Variants in CPNE4 observed in about 807,000 individuals in gnomAD.
The protein encoded by CPNE4 is copine 4.
Under a neutral mutation model 67.9 loss-of-function variants are expected in CPNE4, and 25 were observed. The observed-to-expected ratio is 0.37, with a 90% CI of 0.27 to 0.51. CPNE4 has a LOEUF of 0.51. Among genes scored for constraint, CPNE4 ranks in the 20% least tolerant of loss-of-function variants. The pLI, the probability that CPNE4 is intolerant of heterozygous loss-of-function variation, is 0.93. For missense variants in CPNE4, 464 were observed against 690.8 expected, an observed-to-expected ratio of 0.67 and a Z score of 3.68; for synonymous variants, 242 against 244.9, an observed-to-expected ratio of 0.99 and a Z score of 0.11.
At chr3:131,605,855 A>G (rs1314609781) in intron 7 of CPNE4, among the ~76,000 whole-genome samples, 1 of 152,202 alleles carries the variant, frequency 6.6e-6, no homozygotes, top group Non-Finnish European at 1.5e-5. Flanking sequence ...ATTCACCTAC[A>G]TGTGAATCAC....
chr3:131,805,134 C>A (rs752163469), intron 2 of CPNE4, among the ~76,000 whole-genome samples: 2 of 152,150 alleles, frequency 1.3e-5, no homozygotes, highest in Admixed American at 6.5e-5. Flanking sequence ...CATTCCCATC[C>A]AATCAGCCCA....
chr3:131,673,609 T>C (rs1043608655), intron 6 of CPNE4, among the ~76,000 whole-genome samples: 6 of 152,056 alleles, frequency 3.9e-5, no homozygotes, highest in Non-Finnish European at 7.4e-5. Flanking sequence ...ATTTTCATGA[T>C]TTCTTTTTCA....
At chr3:131,685,167 C>G (rs749014391) in intron 6 of CPNE4, among the ~76,000 whole-genome samples, 1 of 146,374 alleles carries the variant, frequency 6.8e-6, no homozygotes, top group Non-Finnish European at 1.5e-5. Context: ...GTTTCTTCAA[C>G]TGTAAAATGG....
At chr3:132,013,444 C>T (rs755984999) in intron 1 of CPNE4, among the ~76,000 whole-genome samples, 7 of 152,108 alleles carry the variant, frequency 4.6e-5, no homozygotes, top group Non-Finnish European at 1.0e-4. Context: ...TCTGCTCATC[C>T]GTAACCAATA....
intron 1 of CPNE4, among the ~76,000 whole-genome samples, chr3:131,967,929 G>A (rs1035598996): frequency 3.9e-5 from 6 of 152,042 alleles, no homozygotes; most frequent in Non-Finnish European, 7.4e-5. Flanking sequence ...AACAAAGCTG[G>A]AGGCATCATG....
chr3:131,592,832 T>A (rs1938620501), intron 7 of CPNE4, among the ~76,000 whole-genome samples: 1 of 151,678 alleles, frequency 6.6e-6, no homozygotes. Context: ...CTGCTCACTG[T>A]TTCCACACAA....
chr3:131,682,189 G>A (rs1013263624), intron 6 of CPNE4, among the ~76,000 whole-genome samples: 5 of 152,060 alleles, frequency 3.3e-5, no homozygotes, highest in Non-Finnish European at 5.9e-5. Flanking sequence ...CCTGATGCTT[G>A]TAGATATTCA....
At chr3:131,550,909 G>A (rs1228417678) in intron 13 of CPNE4, among the ~76,000 whole-genome samples, 2 of 152,076 alleles carry the variant, frequency 1.3e-5, no homozygotes, top group Admixed American at 6.6e-5. Context: ...GCTTCTCCTA[G>A]TACTTGATAC....
Position 131,535,050 on chromosome 3 carries a change from T to A in CPNE4, c.*145A>T, listed in dbSNP as rs2107618000. On this transcript the variant is annotated 3_prime_UTR_variant, in exon 16 of 16. Transcript: ENST00000429747. ...AGGGCTACACATGCAAAAAAAATTG[T>A]CAGATAGTTAAAAATCACCAAAACG... 3.7e-6 allele frequency: 3 copies of A among 815,126 alleles called. No individual in the cohort carries two copies. The highest frequency in any genetic ancestry group is 2.9e-5 in the East Asian group (1 of 34,390). 50.5% of individuals were successfully genotyped at this position (815,126 alleles called of 1,614,324 possible). A position where few individuals can be genotyped will look rare whatever the true frequency, so the allele number is the denominator to read the frequency against.
chr3:131,649,097 G>A (rs553645757), intron 7 of CPNE4, among the ~76,000 whole-genome samples: 2 of 152,302 alleles, frequency 1.3e-5, no homozygotes, highest in East Asian at 3.9e-4. Context: ...CTGTGCCCAG[G>A]TGAAAAATTT....
At chr3:131,655,613 A>G (rs865911491) in intron 7 of CPNE4, among the ~76,000 whole-genome samples, 7 of 152,250 alleles carry the variant, frequency 4.6e-5, no homozygotes, top group Middle Eastern at 3.4e-3. Flanking sequence ...CATAATGTTG[A>G]AGTAAAGTTA....
Position 131,994,231 on chromosome 3 carries a change from G to C in CPNE4, c.-2+40336C>G. On this transcript the variant is annotated intron_variant, in intron 1 of 15. Coordinates refer to ENST00000429747, the MANE Select transcript of CPNE4 (RefSeq NM_130808.3). ...TGAAGATGTATAACTCAACTTCATG[G>C]ATTGGAAGATTTAATATTGTGTAGA... Among the ~76,000 whole-genome samples, 2 of 136,444 alleles carry C rather than the reference G, an allele frequency of 1.5e-5. 1 individual carries two copies. The highest frequency in any genetic ancestry group is 3.3e-5 in the Non-Finnish European group (2 of 60,110). 89.5% of individuals were successfully genotyped at this position (136,444 alleles called of 152,430 possible). A position where few individuals can be genotyped will look rare whatever the true frequency, so the allele number is the denominator to read the frequency against.
At chr3:131,860,393 A>G (rs1444288134) in intron 2 of CPNE4, among the ~76,000 whole-genome samples, 1 of 152,162 alleles carries the variant, frequency 6.6e-6, no homozygotes, top group East Asian at 1.9e-4. Flanking sequence ...AATTGAGCTC[A>G]TTTTAATTAT....
chr3:131,890,395 T>A (rs2088064877), intron 2 of CPNE4, among the ~76,000 whole-genome samples: 1 of 150,294 alleles, frequency 6.7e-6, no homozygotes, highest in South Asian at 2.1e-4. Context: ...AGATATCACC[T>A]CACTCCTGTA....
At chr3:131,687,678 A>C (rs926485676) in intron 5 of CPNE4, among the ~76,000 whole-genome samples, 2 of 152,220 alleles carry the variant, frequency 1.3e-5, no homozygotes, top group African/African-American at 4.8e-5. Flanking sequence ...CCTAGTCTTC[A>C]GCTCAGCAAA....
At chr3:131,757,607 G>A (rs552851238) in intron 2 of CPNE4, among the ~76,000 whole-genome samples, 61 of 152,312 alleles carry the variant, frequency 4.0e-4, no homozygotes, top group African/African-American at 1.4e-3. Context: ...TTTCTGAGAA[G>A]AAATTCAAGC....
At chr3:131,587,144 T>G (rs771559828) in intron 8 of CPNE4, among the ~76,000 whole-genome samples, 3 of 152,176 alleles carry the variant, frequency 2.0e-5, no homozygotes, top group Non-Finnish European at 4.4e-5. Context: ...TAGGTACAAT[T>G]ATCACTCTTA....
chr3:131,548,716 G>A (rs998029923), intron 14 of CPNE4, among the ~76,000 whole-genome samples: 15 of 152,226 alleles, frequency 9.9e-5, no homozygotes, highest in Non-Finnish European at 2.2e-4. Flanking sequence ...AAGAGAAAAT[G>A]ATAAGAATTA....
intron 1 of CPNE4, among the ~76,000 whole-genome samples, chr3:132,027,860 T>C (rs2074149221): frequency 1.3e-5 from 2 of 152,210 alleles, no homozygotes; most frequent in African/African-American, 4.8e-5. Context: ...TGGGCCATTC[T>C]ATTGCCCTTA....
Sources: allele counts gnomAD v4.1 joint callset (sites outside exome capture counted in the v4.1 genomes callset), GRCh38; gene constraint gnomAD v4.1.1; transcripts MANE v1.5; gene names NCBI Gene and HGNC (gene_info 2026-07-23, HGNC 2026-07-21).